GBE1: variants seen among roughly 807,000 people sequenced by gnomAD.
The protein encoded by GBE1 is 1,4-alpha-glucan-branching enzyme.
In GBE1, 70 loss-of-function variants were observed where a neutral mutation model predicts 88.8. The ratio of observed to expected loss-of-function variants is 0.79; its 90% confidence interval spans 0.65 to 0.96. The LOEUF (loss-of-function observed/expected upper bound fraction) is 0.96, where lower values mean the gene tolerates loss of function less well. Ranked by LOEUF, GBE1 falls within the 40% of genes least tolerant of loss-of-function variation. The probability of loss-of-function intolerance (pLI) is 0.00; values close to 1 mark genes in which losing one functional copy is unlikely to be tolerated. For synonymous variants in GBE1, 284 were observed against 300.1 expected, an observed-to-expected ratio of 0.95 and a Z score of 0.56; for missense variants, 872 against 871.0, an observed-to-expected ratio of 1.00 and a Z score of -0.01.
intron 7 of GBE1, among the ~76,000 whole-genome samples, chr3:81,618,115 T>C (rs937170845): frequency 3.3e-5 from 5 of 152,064 alleles, no homozygotes; most frequent in Non-Finnish European, 2.9e-5. Flanking sequence ...TTCCATTTTT[T>C]CTTCTCCATT....
At chr3:81,642,082 T>G (rs1015387510) in intron 7 of GBE1, among the ~76,000 whole-genome samples, 1 of 151,846 alleles carries the variant, frequency 6.6e-6, no homozygotes, top group African/African-American at 2.4e-5. Context: ...CTTGTCTTTT[T>G]AATTTTTGCC....
chr3:81,600,259 C>G (rs1704013875), intron 7 of GBE1, among the ~76,000 whole-genome samples: 1 of 146,720 alleles, frequency 6.8e-6, no homozygotes, highest in Non-Finnish European at 1.5e-5. Context: ...GACTCCGTCT[C>G]AAAAACAAAT....
Position 81,742,840 on chromosome 3 carries a change from GAC to G in GBE1, c.143+18533_143+18534del, listed in dbSNP as rs200261029. 1.2e-3 allele frequency among the ~76,000 whole-genome samples: 186 copies of G among 152,202 alleles called. 1 individual carries two copies. The East Asian group carries it at 0.032, about 26-fold the overall frequency. ...ACAATCTTCTTCATGAGTAGTATTA[GAC>G]ACGAGAAAGGTTAAGCGGTATGTGA... On this transcript the variant is annotated intron_variant, in intron 1 of 15. Coordinates refer to ENST00000429644, the MANE Select transcript of GBE1 (RefSeq NM_000158.4).
chr3:81,705,508 A>G lies in GBE1; in HGVS notation c.249T>C (p.Asp83=), dbSNP rs1186653425. Reference sequence around the variant, plus strand: ...CCCATTCTTTGCAGTATAAACCACCATCAGCACATCTGTGGACGCCAAATG... The same window carrying G: ...CCCATTCTTTGCAGTATAAACCACCGTCAGCACATCTGTGGACGCCAAATG... ...YESFGVHRCA[D]GGLYCKEWAP... The change falls in exon 2 of 16, where the codon GAT becomes GAC. Residue 83 remains aspartate (D), a synonymous_variant. Transcript: ENST00000429644. 5 of 1,603,648 alleles carry G rather than the reference A, an allele frequency of 3.1e-6. No homozygotes were observed. The highest frequency in any genetic ancestry group is 4.3e-6 in the Non-Finnish European group (5 of 1,175,064).
At chr3:81,497,004 C>T (rs953493389) in intron 15 of GBE1, among the ~76,000 whole-genome samples, 1 of 152,144 alleles carries the variant, frequency 6.6e-6, no homozygotes, top group Non-Finnish European at 1.5e-5. Flanking sequence ...TTCCCATGTC[C>T]TTGCAGTGCT....
intron 1 of GBE1, among the ~76,000 whole-genome samples, chr3:81,717,940 A>T (rs1278465792): frequency 1.3e-5 from 2 of 150,120 alleles, no homozygotes; most frequent in African/African-American, 4.9e-5. Context: ...AATATAAAAG[A>T]CACAGGAAAT....
chr3:81,688,892 GTATATAAAC>G (rs2107141312), intron 2 of GBE1, among the ~76,000 whole-genome samples: 1 of 151,676 alleles, frequency 6.6e-6, no homozygotes, highest in Non-Finnish European at 1.5e-5. Flanking sequence ...TTACTATTAT[GTATATAAAC>G]TATATCCATT....
At chr3:81,747,434 A>G (rs1036815428) in intron 1 of GBE1, among the ~76,000 whole-genome samples, 23 of 152,166 alleles carry the variant, frequency 1.5e-4, no homozygotes, top group Non-Finnish European at 2.6e-4. Context: ...TCATCCCAGC[A>G]CTTTCGGAGT....
chr3:81,500,155 C>G (rs891437476), intron 14 of GBE1, among the ~76,000 whole-genome samples: 3 of 152,180 alleles, frequency 2.0e-5, no homozygotes, highest in Non-Finnish European at 4.4e-5. Context: ...GGACACGCTA[C>G]AGAAACTTTT....
chr3:81,753,181 T>C (rs1408705716), intron 1 of GBE1, among the ~76,000 whole-genome samples: 1 of 152,176 alleles, frequency 6.6e-6, no homozygotes, highest in Non-Finnish European at 1.5e-5. Context: ...TAATCATGTG[T>C]TTAACATAGA....
intron 14 of GBE1, among the ~76,000 whole-genome samples, chr3:81,520,100 A>T (rs1403502508): frequency 6.6e-6 from 1 of 151,472 alleles, no homozygotes; most frequent in East Asian, 1.9e-4. Flanking sequence ...GGAAGGCTTC[A>T]GTTAATTAAA....
chr3:81,761,289 A>T, intron 1 of GBE1, 86 bp downstream of exon 1: 1 of 1,481,674 alleles, frequency 6.7e-7, no homozygotes, highest in South Asian at 1.3e-5. Context: ...TTGGCGCGCG[A>T]GGGCCGAGGG....
At chr3:81,541,178 T>C (rs1703138175) in intron 12 of GBE1, among the ~76,000 whole-genome samples, 1 of 151,932 alleles carries the variant, frequency 6.6e-6, no homozygotes, top group Non-Finnish European at 1.5e-5. Context: ...GAGTTTTCAA[T>C]AGTACAGAAA....
chr3:81,508,915 A>C (rs1211320857), intron 14 of GBE1, among the ~76,000 whole-genome samples: 1 of 152,078 alleles, frequency 6.6e-6, no homozygotes, highest in African/African-American at 2.4e-5. Context: ...TCTCATCTGT[A>C]AATGGAGGTA....
At chr3:81,495,946 C>T (rs1286844771) in intron 15 of GBE1, among the ~76,000 whole-genome samples, 1 of 152,162 alleles carries the variant, frequency 6.6e-6, no homozygotes, top group African/African-American at 2.4e-5. Flanking sequence ...GCTTTATTCT[C>T]ATTTTCAGCA....
At chr3:81,615,088 G>A (rs1026444277) in intron 7 of GBE1, among the ~76,000 whole-genome samples, 2 of 152,132 alleles carry the variant, frequency 1.3e-5, no homozygotes, top group African/African-American at 4.8e-5. Context: ...TATTAGCTAT[G>A]TCAATAGGTT....
intron 7 of GBE1, among the ~76,000 whole-genome samples, chr3:81,642,118 C>T (rs769944433): frequency 1.3e-5 from 2 of 151,836 alleles, no homozygotes; most frequent in Non-Finnish European, 2.9e-5. Flanking sequence ...ACGTAAAACA[C>T]TCTTCTCCTT....
chr3:81,538,424 G>C (rs1039358801), intron 12 of GBE1, among the ~76,000 whole-genome samples: 1 of 151,838 alleles, frequency 6.6e-6, no homozygotes, highest in African/African-American at 2.4e-5. Flanking sequence ...ATTAATAAGT[G>C]TCTACAAACA....
rs752467425 is a variant in GBE1, at chr3:81,593,864, G to A, written c.1108+44C>T. 4 of 923,642 alleles carry A rather than the reference G, an allele frequency of 4.3e-6. No individual in the cohort carries two copies. In the South Asian group the frequency reaches 6.4e-5, roughly 15 times the overall value. 57.2% of individuals were successfully genotyped at this position (923,642 alleles called of 1,614,324 possible). A position where few individuals can be genotyped will look rare whatever the true frequency, so the allele number is the denominator to read the frequency against. ...CAAGACACCAGTAATGGCTATTGCAGCTTCTGCAATTAACCCCAAACCTGA... is the reference window on the plus strand; with the variant it reads ...CAAGACACCAGTAATGGCTATTGCAACTTCTGCAATTAACCCCAAACCTGA... On this transcript the variant is annotated intron_variant, in intron 8 of 15. Coordinates refer to ENST00000429644, the MANE Select transcript of GBE1 (RefSeq NM_000158.4).
Sources: allele counts gnomAD v4.1 joint callset (sites outside exome capture counted in the v4.1 genomes callset), GRCh38; gene constraint gnomAD v4.1.1; transcripts MANE v1.5; gene names NCBI Gene and HGNC (gene_info 2026-07-23, HGNC 2026-07-21).